PTPRD: variants seen among roughly 807,000 people sequenced by gnomAD.
PTPRD encodes receptor-type tyrosine-protein phosphatase delta.
A neutral mutation model predicts 214.5 loss-of-function variants in PTPRD; 34 were observed. That is an observed-to-expected ratio of 0.16 (90% confidence interval 0.12 to 0.21). The LOEUF is 0.21. Ranked by LOEUF, PTPRD falls within the 10% of genes least tolerant of loss-of-function variation. The probability of loss-of-function intolerance (pLI) is 1.00; values close to 1 mark genes in which losing one functional copy is unlikely to be tolerated. For synonymous variants in PTPRD, 1,128 were observed against 845.7 expected, an observed-to-expected ratio of 1.33 and a Z score of -5.79; for missense variants, 2,545 against 2,398.7, an observed-to-expected ratio of 1.06 and a Z score of -1.27.
intron 33 of PTPRD, 115 bp from the exon 34 acceptor site, chr9:8,449,952 T>C: frequency 1.0e-6 from 1 of 1,003,924 alleles, no homozygotes; most frequent in Non-Finnish European, 1.5e-6. Context: ...TTTTACAACT[T>C]TTCAACCCAG....
chr9:10,096,122 C>T (rs1278055457), intron 3 of PTPRD, among the ~76,000 whole-genome samples: 1 of 151,616 alleles, frequency 6.6e-6, no homozygotes, highest in African/African-American at 2.4e-5. Flanking sequence ...TAAACACCAT[C>T]TTGAACAATG....
At chr9:8,922,350 G>C (rs897424759) in intron 11 of PTPRD, among the ~76,000 whole-genome samples, 1 of 151,786 alleles carries the variant, frequency 6.6e-6, no homozygotes, top group African/African-American at 2.4e-5. Context: ...ATGAGGAATA[G>C]GCATTTTTTA....
At position 9,839,799 on chromosome 9, in the gene PTPRD, A is replaced by G. The variant is rs534380784; in HGVS notation, c.-367-72948T>C. On this transcript the variant is annotated intron_variant, in intron 5 of 45. Transcript: ENST00000381196. ...GAGGCATCACGCTACCTGATTTCAA[A>G]CTTGCTGCATTTTTTTAAGAAGCCT... 2.6e-5 allele frequency among the ~76,000 whole-genome samples: 4 copies of G among 152,208 alleles called. No individual in the cohort carries two copies. The South Asian group carries it at 8.3e-4, about 32-fold the overall frequency.
At chr9:9,703,051 C>T (rs1312128534) in intron 7 of PTPRD, among the ~76,000 whole-genome samples, 1 of 152,128 alleles carries the variant, frequency 6.6e-6, no homozygotes, top group Non-Finnish European at 1.5e-5. Context: ...TCCTCATAAT[C>T]CTCAGGTGTT....
At chr9:10,410,550 C>A (rs1469748995) in intron 2 of PTPRD, among the ~76,000 whole-genome samples, 1 of 151,208 alleles carries the variant, frequency 6.6e-6, no homozygotes. Flanking sequence ...CATTGATACA[C>A]ACATAATAAA....
At chr9:9,614,295 T>G (rs1157724691) in intron 7 of PTPRD, among the ~76,000 whole-genome samples, 2 of 152,178 alleles carry the variant, frequency 1.3e-5, no homozygotes, top group Admixed American at 6.6e-5. Flanking sequence ...AAAGCAATTC[T>G]CAGCAGTTCA....
intron 6 of PTPRD, among the ~76,000 whole-genome samples, chr9:9,756,962 G>A (rs781061442): frequency 6.6e-6 from 1 of 152,102 alleles, no homozygotes; most frequent in East Asian, 1.9e-4. Context: ...CATTTTACCT[G>A]GAAAGTTTCC....
At chr9:9,656,723 A>G (rs576963890) in intron 7 of PTPRD, among the ~76,000 whole-genome samples, 13 of 152,286 alleles carry the variant, frequency 8.5e-5, no homozygotes, top group African/African-American at 3.1e-4. Flanking sequence ...TCAAACCTAT[A>G]GAAGATGCAG....
intron 3 of PTPRD, among the ~76,000 whole-genome samples, chr9:10,040,008 AT>A (rs2097266494): frequency 6.6e-6 from 1 of 152,086 alleles, no homozygotes. Flanking sequence ...AGCAGTCAGA[AT>A]TTCAAAGGCA....
At chr9:9,563,084 T>C (rs2083392602) in intron 8 of PTPRD, among the ~76,000 whole-genome samples, 1 of 152,196 alleles carries the variant, frequency 6.6e-6, no homozygotes, top group Non-Finnish European at 1.5e-5. Flanking sequence ...ATGGTTATAA[T>C]TGTACCCACT....
chr9:8,353,435 T>C (rs1279008662), intron 39 of PTPRD, among the ~76,000 whole-genome samples: 1 of 152,078 alleles, frequency 6.6e-6, no homozygotes, highest in Non-Finnish European at 1.5e-5. Context: ...TATGAATGAA[T>C]GAATGAATGA....
chr9:9,977,933 A>AG (rs1244778291), intron 4 of PTPRD, among the ~76,000 whole-genome samples: 1 of 151,922 alleles, frequency 6.6e-6, no homozygotes, highest in Non-Finnish European at 1.5e-5. Flanking sequence ...CTTTCCAGAA[A>AG]AAAAAAAGTT....
chr9:9,050,671 C>G (rs1470757888), intron 10 of PTPRD, among the ~76,000 whole-genome samples: 1 of 134,890 alleles, frequency 7.4e-6, no homozygotes, highest in African/African-American at 2.7e-5. Flanking sequence ...TGACATGATG[C>G]ATCCATGCTA....
intron 7 of PTPRD, among the ~76,000 whole-genome samples, chr9:9,624,830 G>GA (rs58910288): frequency 0.65 from 95,644 of 146,500 alleles, 31,249 homozygotes; most frequent in East Asian, 0.89. Context: ...TAGATGCATT[G>GA]AAAAAAAAAA....
chr9:8,826,792 A>C (rs1020133524), intron 11 of PTPRD, among the ~76,000 whole-genome samples: 1 of 152,126 alleles, frequency 6.6e-6, no homozygotes, highest in African/African-American at 2.4e-5. Context: ...GACAAACAGA[A>C]GAAATTCTAC....
At chr9:9,406,432 G>A (rs2073388469) in intron 8 of PTPRD, among the ~76,000 whole-genome samples, 1 of 151,806 alleles carries the variant, frequency 6.6e-6, no homozygotes, top group African/African-American at 2.4e-5. Context: ...TGAAAAATGT[G>A]AGCCTTCAAG....
At chr9:8,388,094 A>G (rs2087883185) in intron 37 of PTPRD, among the ~76,000 whole-genome samples, 1 of 152,234 alleles carries the variant, frequency 6.6e-6, no homozygotes, top group African/African-American at 2.4e-5. Flanking sequence ...TTGCTAAACC[A>G]ACCATTTATC....
At chr9:8,860,197 G>T (rs556509567) in intron 11 of PTPRD, 2 of 152,328 alleles carry the variant, frequency 1.3e-5, no homozygotes, top group East Asian at 1.9e-4. Context: ...TGTGGGAAAT[G>T]TATCACTCTG....
intron 3 of PTPRD, among the ~76,000 whole-genome samples, chr9:10,261,022 ATATATATTATATATGTGTATATATAT>A (rs1564852135): frequency 8.7e-6 from 1 of 115,520 alleles, no homozygotes; most frequent in East Asian, 2.4e-4. Flanking sequence ...ATATGTGTGT[ATATATATTATATATGTGTATATATAT>A]TATATATGTG....
Sources: allele counts gnomAD v4.1 joint callset (sites outside exome capture counted in the v4.1 genomes callset), GRCh38; gene constraint gnomAD v4.1.1; transcripts MANE v1.5; gene names NCBI Gene and HGNC (gene_info 2026-07-23, HGNC 2026-07-21).